The following CS variants were observed in gnomAD, a reference collection of about 807,000 sequenced individuals.
The protein encoded by CS is citrate synthase.
Under a neutral mutation model 61.4 loss-of-function variants are expected in CS, and 13 were observed. That is an observed-to-expected ratio of 0.21 (90% CI 0.14 to 0.34). The LOEUF (loss-of-function observed/expected upper bound fraction) is 0.34, where lower values mean the gene tolerates loss of function less well. CS is among the 10% of genes least tolerant of loss of function. The pLI is 1.00. For synonymous variants in CS, 159 were observed against 215.2 expected, an observed-to-expected ratio of 0.74 and a Z score of 2.29; for missense variants, 278 against 573.4, an observed-to-expected ratio of 0.48 and a Z score of 5.26.
rs547849965 is a variant in CS, at chr12:56,277,907, G to A, written c.589-1712C>T. On this transcript the variant is annotated intron_variant, in intron 6 of 10. Coordinates refer to ENST00000351328, the MANE Select transcript of CS (RefSeq NM_004077.3). ...GCCCCTCAAAGTTCTGGGATTACAG[G>A]AGTGAGCCACCGCACCCGGCCGAGG... Among the ~76,000 whole-genome samples the A allele has an allele frequency of 1.2e-4, 18 of 152,214 alleles. 1 individual carries two copies. The highest frequency in any genetic ancestry group is 2.4e-4 in the Non-Finnish European group (16 of 68,006).
intron 1 of CS, chr12:56,299,928 G>C (rs1031106617): frequency 4.1e-6 from 2 of 482,562 alleles, no homozygotes; most frequent in Admixed American, 8.1e-5. Flanking sequence ...CTCCTCACGC[G>C]TTCTGGACTG....
rs79563232 is a variant in CS, at chr12:56,272,730, G to A, written c.*354C>T. ...TTGGCAGAGAAGCTAAAGCTCCAAA[G>A]TGACTACAGATTCTCTGCAACCGGC... On this transcript the variant is annotated 3_prime_UTR_variant, in exon 11 of 11. Coordinates refer to ENST00000351328, the MANE Select transcript of CS (RefSeq NM_004077.3). 0.011 allele frequency: 1,862 copies of A among 176,212 alleles called. 14 individuals carry two copies. Among genetic ancestry groups the A allele is most frequent in the Middle Eastern group, 0.022 (8 of 364 alleles). 10.9% of individuals were successfully genotyped at this position (176,212 alleles called of 1,614,324 possible).
Position 56,273,077 on chromosome 12 carries a change from T to G in CS, c.*7A>C. 2 of 1,597,416 alleles carry G rather than the reference T, an allele frequency of 1.3e-6. No homozygotes were observed. Among genetic ancestry groups the G allele is most frequent in the Non-Finnish European group, 1.7e-6 (2 of 1,172,596 alleles). ...TTCTGGTAGTCACTTTCACCCAGTC[T>G]CCAGTTTTACCCTGACTTAGAGTCC... On this transcript the variant is annotated 3_prime_UTR_variant, in exon 11 of 11. Transcript: ENST00000351328.
intron 1 of CS, chr12:56,291,171 G>A (rs1455828751): frequency 1.0e-6 from 1 of 983,124 alleles, no homozygotes. Context: ...GTGCATAGCT[G>A]AATTCAGTAA....
At chr12:56,294,932 A>G (rs1195112677) in intron 1 of CS, among the ~76,000 whole-genome samples, 1 of 151,686 alleles carries the variant, frequency 6.6e-6, no homozygotes, top group East Asian at 2.0e-4. Context: ...CGATTGGCTG[A>G]TTTTTGTATT....
intron 1 of CS, among the ~76,000 whole-genome samples, chr12:56,297,708 C>G (rs948448115): frequency 1.3e-5 from 2 of 151,230 alleles, no homozygotes; most frequent in African/African-American, 4.9e-5. Context: ...TGTCTCAAAA[C>G]AAAAAAAAAT....
chr12:56,294,849 A>C (rs1194837376), intron 1 of CS, among the ~76,000 whole-genome samples: 1 of 152,042 alleles, frequency 6.6e-6, no homozygotes, highest in Non-Finnish European at 1.5e-5. Flanking sequence ...GCTCACAGCA[A>C]CCTCTGCCAC....
intron 1 of CS, among the ~76,000 whole-genome samples, chr12:56,296,379 G>A (rs902877680): frequency 3.3e-5 from 5 of 152,018 alleles, no homozygotes; most frequent in Non-Finnish European, 7.4e-5. Flanking sequence ...GGGCCCATGA[G>A]GTTGAGGCTG....
At chr12:56,277,570 G>A (rs1872659411) in intron 6 of CS, among the ~76,000 whole-genome samples, 1 of 150,784 alleles carries the variant, frequency 6.6e-6, no homozygotes, top group Non-Finnish European at 1.5e-5. Context: ...AAAATTCACT[G>A]TATGTGCCAA....
At chr12:56,282,797 G>C (rs1872813474) in intron 5 of CS, 63 bp downstream of exon 5, 1 of 1,606,076 alleles carries the variant, frequency 6.2e-7, no homozygotes, top group African/African-American at 1.3e-5. Context: ...TTAAGTGTCT[G>C]AGATTAGAGA....
At chr12:56,273,296 C>G (rs1872556257) in intron 10 of CS, 42 bp from the exon 11 acceptor site, 2 of 1,590,792 alleles carry the variant, frequency 1.3e-6, no homozygotes, top group East Asian at 2.2e-5. Flanking sequence ...AAGGCAGAGG[C>G]AGTGGCATGT....
In CS at chr12:56,287,707, TGCAATGGCACAATCTCAGCTCACC is replaced by T. The variant is rs138298471; in HGVS notation, c.43-1086_43-1063del. Among the ~76,000 whole-genome samples, 179 of 152,172 alleles carry T rather than the reference TGCAATGGCACAATCTCAGCTCACC, an allele frequency of 1.2e-3. 1 individual carries two copies. The East Asian group carries it at 0.028, about 24-fold the overall frequency. On this transcript the variant is annotated intron_variant, in intron 1 of 10. Coordinates refer to ENST00000351328, the MANE Select transcript of CS (RefSeq NM_004077.3). The stretch of plus-strand genomic sequence containing the variant: ...TTCACTCTTGTTGCCCAGACTGGAG[TGCAATGGCACAATCTCAGCTCACC>T]GCAACCTCAGCCTTCTGGATTCAAG...
rs1434408528 is a variant in CS, at chr12:56,276,166, G to A, written c.618C>T (p.Ile206=). Residue 206 remains isoleucine, a synonymous_variant, in exon 7 of 11, where the codon ATC becomes ATT. Coordinates refer to ENST00000351328, the MANE Select transcript of CS (RefSeq NM_004077.3). ...TTGCTGCAACACAAGGTAGCTTTGC[G>A]ATTAGATCCATAGAGTCTTCATAAA... ...ELIYEDSMDL[I]AKLPCVAAKI... 4.3e-6 allele frequency: 7 copies of A among 1,613,990 alleles called. No homozygotes were observed. The highest frequency in any genetic ancestry group is 2.7e-5 in the African/African-American group (2 of 74,878).
intron 1 of CS, among the ~76,000 whole-genome samples, chr12:56,289,482 AC>A (rs1458780512): frequency 6.6e-6 from 1 of 151,430 alleles, no homozygotes; most frequent in Non-Finnish European, 1.5e-5. Context: ...CCGCTATGTT[AC>A]CCAGGCCGGA....
In CS at chr12:56,293,942, A is replaced by C. The variant is rs372765318; in HGVS notation, c.42+6218T>G. On this transcript the variant is annotated intron_variant, in intron 1 of 10. Coordinates refer to ENST00000351328, the MANE Select transcript of CS (RefSeq NM_004077.3). Reference sequence around the variant, plus strand: ...AAGGAACAACTTGCATTCAGAGAACACGAACACAAATAGGACAAAGGCTCC... The same window carrying C: ...AAGGAACAACTTGCATTCAGAGAACCCGAACACAAATAGGACAAAGGCTCC... Among the ~76,000 whole-genome samples the C allele has an allele frequency of 2.0e-4, 30 of 152,288 alleles. No homozygotes were observed. The East Asian group carries it at 5.0e-3, about 26-fold the overall frequency.
At chr12:56,299,791 T>C in intron 1 of CS, 1 of 242,876 alleles carries the variant, frequency 4.1e-6, no homozygotes, top group South Asian at 4.4e-5. Flanking sequence ...CCAAACTGAC[T>C]GTAACTCCAG....
At chr12:56,273,865 A>C in intron 9 of CS, 69 bp from the exon 10 acceptor site, 1 of 1,359,966 alleles carries the variant, frequency 7.4e-7, no homozygotes, top group South Asian at 1.2e-5. Context: ...ACAGGATCTC[A>C]CTCTGTCACC....
At chr12:56,287,171 A>G (rs1215660916) in intron 1 of CS, among the ~76,000 whole-genome samples, 2 of 152,212 alleles carry the variant, frequency 1.3e-5, no homozygotes, top group Non-Finnish European at 2.9e-5. Flanking sequence ...CAAAGTTTCT[A>G]AGAGTGTCAA....
intron 1 of CS, 149 bp downstream of exon 1, chr12:56,300,011 T>G (rs1479627993): frequency 1.4e-5 from 10 of 704,782 alleles, no homozygotes; most frequent in Non-Finnish European, 2.0e-5. Flanking sequence ...GTCCTGTAGC[T>G]TCACGCAGGG....
Sources: gnomAD v4.1 joint callset for allele counts (sites outside exome capture counted in the v4.1 genomes callset) on GRCh38, gnomAD v4.1.1 for gene constraint, MANE v1.5 for transcripts, NCBI Gene and HGNC (gene_info 2026-07-23, HGNC 2026-07-21) for gene names.